The following SGPL1 variants were observed in gnomAD, a reference collection of about 807,000 sequenced individuals.
SGPL1 encodes the protein SP-lyase 1.
Under a neutral mutation model 68.9 loss-of-function variants are expected in SGPL1, and 37 were observed. The ratio of observed to expected loss-of-function variants is 0.54; its 90% CI spans 0.41 to 0.71. The LOEUF is 0.71. SGPL1 is among the 30% of genes least tolerant of loss of function. The probability of loss-of-function intolerance (pLI) is 0.00; values close to 1 mark genes in which losing one functional copy is unlikely to be tolerated. For synonymous variants in SGPL1, 236 were observed against 248.5 expected (o/e 0.95, Z 0.47); for missense variants, 551 against 704.6 (o/e 0.78, Z 2.47).
intron 2 of SGPL1, among the ~76,000 whole-genome samples, chr10:70,835,334 C>G (rs1168850721): frequency 6.6e-6 from 1 of 151,978 alleles, no homozygotes; most frequent in African/African-American, 2.4e-5. Flanking sequence ...TGAATTCTTT[C>G]CTTCTAGGAC....
intron 11 of SGPL1, among the ~76,000 whole-genome samples, chr10:70,872,935 C>T (rs1279616853): frequency 6.6e-6 from 1 of 151,900 alleles, no homozygotes; most frequent in Non-Finnish European, 1.5e-5. Flanking sequence ...TAATACTAAG[C>T]AAAAAAAGAT....
chr10:70,856,295 C>T (rs1047974829), intron 5 of SGPL1, among the ~76,000 whole-genome samples: 2 of 152,190 alleles, frequency 1.3e-5, no homozygotes, highest in Non-Finnish European at 2.9e-5. Flanking sequence ...TGTGCTCGGC[C>T]TTGACAAATA....
At chr10:70,843,882 T>C (rs2131884024) in intron 2 of SGPL1, among the ~76,000 whole-genome samples, 1 of 152,358 alleles carries the variant, frequency 6.6e-6, no homozygotes, top group African/African-American at 2.4e-5. Flanking sequence ...GAAAATTATA[T>C]GAAATTCAAG....
Position 70,840,251 on chromosome 10 carries a change from A to G in SGPL1, c.28-4222A>G, listed in dbSNP as rs750095013. 1.2e-4 allele frequency among the ~76,000 whole-genome samples: 19 copies of G among 152,192 alleles called. 1 individual carries two copies. Among genetic ancestry groups the G allele is most frequent in the Non-Finnish European group, 2.1e-4 (14 of 68,008 alleles). On this transcript the variant is annotated intron_variant, in intron 2 of 14. Transcript: ENST00000373202. ...TCCTAGACTTCACTTAATCACAAGC[A>G]TGTCTGTATGAGCGTAGTCATGTCA... is the stretch of plus-strand genomic sequence containing the variant.
chr10:70,854,733 A>G lies in SGPL1; in HGVS notation c.287A>G (p.Lys96Arg). The G allele has an allele frequency of 6.2e-7, 1 of 1,613,070 alleles. No individual in the cohort carries two copies. The highest frequency in any genetic ancestry group is 1.3e-5 in the African/African-American group (1 of 75,006). The change falls in exon 5 of 15, where the codon AAG (lysine) becomes AGG (arginine). Residue 96 changes from lysine to arginine, a missense_variant. Transcript: ENST00000373202. ...RKIQDKLNKT[K>R]DDISKNMSFL... ...ATTCAAGACAAGTTGAACAAGACCA[A>G]GGATGATATTAGCAAGAACATGTCA...
chr10:70,861,407 G>T (rs111811615), intron 7 of SGPL1, among the ~76,000 whole-genome samples: 2 of 152,330 alleles, frequency 1.3e-5, no homozygotes, highest in African/African-American at 4.8e-5. Flanking sequence ...GCAGTTGGGG[G>T]TAGATGAAAG....
rs186994667 is a variant in SGPL1 at position 70,861,988 on chromosome 10, C to T, written c.615+2489C>T. 7.9e-3 allele frequency among the ~76,000 whole-genome samples: 1,201 copies of T among 152,328 alleles called. 21 individuals carry two copies. The highest frequency in any genetic ancestry group is 0.028 in the African/African-American group (1,144 of 41,578). On this transcript the variant is annotated intron_variant, in intron 7 of 14. Transcript: ENST00000373202. ...ACGAGCGCCACTCCCTGCTCCACGG[C>T]GCCCAGTCCCATCGACCACCCAAGG...
chr10:70,877,665 A>AT lies in SGPL1; in HGVS notation c.*332dup. ...TGTGTGGTAGCTCTGACCTGTCCTG[A>AT]TTCTTTAGAGAAGCTGGGGTACAGT... On this transcript the variant is annotated 3_prime_UTR_variant, in exon 15 of 15. Coordinates refer to ENST00000373202, the MANE Select transcript of SGPL1 (RefSeq NM_003901.4). 4.3e-6 allele frequency: 1 copy of AT among 233,110 alleles called. No individual in the cohort carries two copies. The highest frequency in any genetic ancestry group is 2.2e-5 in the African/African-American group (1 of 45,822). 14.4% of individuals were successfully genotyped at this position (233,110 alleles called of 1,614,324 possible). A position where few individuals can be genotyped will look rare whatever the true frequency, so the allele number is the denominator to read the frequency against.
intron 7 of SGPL1, among the ~76,000 whole-genome samples, chr10:70,867,548 T>TGA (rs998438092): frequency 2.1e-5 from 3 of 145,990 alleles, no homozygotes; most frequent in African/African-American, 7.8e-5. Flanking sequence ...GGCAACAGAG[T>TGA]GAGACTCTGT....
At chr10:70,844,712 C>A in intron 3 of SGPL1, 74 bp downstream of exon 3, 1 of 1,350,310 alleles carries the variant, frequency 7.4e-7, no homozygotes, top group Non-Finnish European at 1.0e-6. Context: ...AGAGATAGGA[C>A]TAATTTATTG....
intron 5 of SGPL1, among the ~76,000 whole-genome samples, chr10:70,855,647 A>G (rs183034434): frequency 4.6e-5 from 7 of 152,370 alleles, no homozygotes; most frequent in Non-Finnish European, 7.3e-5. Context: ...AATGTTAAAC[A>G]TTATTGCTAT....
At chr10:70,855,510 C>T (rs1304568525) in intron 5 of SGPL1, among the ~76,000 whole-genome samples, 1 of 152,206 alleles carries the variant, frequency 6.6e-6, no homozygotes, top group African/African-American at 2.4e-5. Context: ...GTCACAGTTC[C>T]TGTATCTCTA....
intron 2 of SGPL1, among the ~76,000 whole-genome samples, chr10:70,824,970 T>C (rs1388088774): frequency 6.8e-6 from 1 of 147,610 alleles, no homozygotes; most frequent in Admixed American, 6.7e-5. Context: ...TTTTTTCTCT[T>C]TTTTTTTTTT....
In SGPL1 at chr10:70,878,440, G is replaced by A. The variant is rs1846438581; in HGVS notation, c.*1105G>A. 6.6e-6 allele frequency: 1 copy of A among 152,194 alleles called. No individual in the cohort carries two copies. Among genetic ancestry groups the A allele is most frequent in the Admixed American group, 6.5e-5 (1 of 15,276 alleles). The allele number at this position is 152,194 out of a possible 1,614,324, so 9.4% of individuals were successfully genotyped here. On this transcript the variant is annotated 3_prime_UTR_variant, in exon 15 of 15. Transcript: ENST00000373202. ...AATAATCTGGGAGCTTTTGGCCATG[G>A]TGCCGCCTTCCTGAATTGGCAGTGG...
At chr10:70,818,319 C>T (rs1000533189) in intron 2 of SGPL1, among the ~76,000 whole-genome samples, 62 of 152,076 alleles carry the variant, frequency 4.1e-4, no homozygotes, top group Non-Finnish European at 7.9e-4. Flanking sequence ...GGGGTTTCGC[C>T]GTGTTAGCCA....
chr10:70,847,549 A>C (rs1003631512), intron 3 of SGPL1, among the ~76,000 whole-genome samples: 1 of 152,226 alleles, frequency 6.6e-6, no homozygotes, highest in Non-Finnish European at 1.5e-5. Context: ...TTAAAATCTT[A>C]CTACTGAAGG....
chr10:70,828,997 A>C (rs1395458864), intron 2 of SGPL1, among the ~76,000 whole-genome samples: 1 of 152,136 alleles, frequency 6.6e-6, no homozygotes, highest in Non-Finnish European at 1.5e-5. Flanking sequence ...GGCAAATATG[A>C]GGATGCCAGG....
At position 70,877,371 on chromosome 10, in the gene SGPL1, C is replaced by T; in HGVS notation, c.*36C>T. ...TTTCTAGTCTCAAGGGGATTCCAGC[C>T]TTCAGAAGGTTCTTGGGATATGGAA... On this transcript the variant is annotated 3_prime_UTR_variant, in exon 15 of 15. Transcript: ENST00000373202. 1 of 1,610,902 alleles carries T rather than the reference C, an allele frequency of 6.2e-7. No homozygotes were observed. Among genetic ancestry groups the T allele is most frequent in the Non-Finnish European group, 8.5e-7 (1 of 1,177,224 alleles).
chr10:70,856,701 C>T (rs570030375), intron 5 of SGPL1, among the ~76,000 whole-genome samples: 1 of 152,314 alleles, frequency 6.6e-6, no homozygotes, highest in South Asian at 2.1e-4. Context: ...ACTTAGTTTT[C>T]TGTTCTCAAG....
Sources: gnomAD v4.1 joint callset for allele counts (sites outside exome capture counted in the v4.1 genomes callset) on GRCh38, gnomAD v4.1.1 for gene constraint, MANE v1.5 for transcripts, NCBI Gene and HGNC (gene_info 2026-07-23, HGNC 2026-07-21) for gene names.